The following FAM13A variants were observed in gnomAD, a reference collection of about 807,000 sequenced individuals.
FAM13A encodes protein FAM13A.
Under a neutral mutation model 129.6 loss-of-function variants are expected in FAM13A, and 76 were observed. The observed-to-expected ratio is 0.59, with a 90% CI of 0.49 to 0.71. FAM13A has a LOEUF of 0.71. Ranked by LOEUF, FAM13A falls within the 30% of genes least tolerant of loss-of-function variation. The probability of loss-of-function intolerance (pLI) is 0.00; values close to 1 mark genes in which losing one functional copy is unlikely to be tolerated. For synonymous variants in FAM13A, 443 were observed against 449.9 expected (o/e 0.98, Z 0.20); for missense variants, 1,108 against 1,249.3 (o/e 0.89, Z 1.70).
chr4:88,737,356 G>A, intron 21 of FAM13A, 116 bp downstream of exon 21: 1 of 829,786 alleles, frequency 1.2e-6, no homozygotes, highest in Non-Finnish European at 2.1e-6. Flanking sequence ...AGGGAATGCT[G>A]TAAGAAGCCA....
At chr4:89,045,754 T>C (rs1210488466) in intron 1 of FAM13A, among the ~76,000 whole-genome samples, 3 of 152,172 alleles carry the variant, frequency 2.0e-5, no homozygotes, top group Non-Finnish European at 2.9e-5. Context: ...CAGGGCGTGG[T>C]GGCTCATGCC....
chr4:88,833,070 T>C (rs1734179878), intron 7 of FAM13A, among the ~76,000 whole-genome samples: 1 of 152,214 alleles, frequency 6.6e-6, no homozygotes, highest in Non-Finnish European at 1.5e-5. Flanking sequence ...CAAGATCATG[T>C]CGTTTTTAGG....
chr4:88,842,008 C>T (rs144513761), intron 7 of FAM13A, among the ~76,000 whole-genome samples: 34 of 152,218 alleles, frequency 2.2e-4, no homozygotes, highest in African/African-American at 7.2e-4. Flanking sequence ...CCCAAATGTA[C>T]GTCAACTAAT....
intron 4 of FAM13A, among the ~76,000 whole-genome samples, chr4:88,977,863 AT>A (rs1180915672): frequency 1.3e-5 from 2 of 152,340 alleles, no homozygotes; most frequent in East Asian, 3.9e-4. Flanking sequence ...ATATAAAGTT[AT>A]AAAACATCAT....
At position 88,762,323 on chromosome 4, in the gene FAM13A, T is replaced by C. The variant is rs1379772650; in HGVS notation, c.1579-3422A>G. Among the ~76,000 whole-genome samples the C allele has an allele frequency of 3.3e-5, 5 of 152,344 alleles. No homozygotes were observed. In the East Asian group the frequency reaches 7.7e-4, roughly 23 times the overall value. ...CTGTGTCAACTTACATGAGCTTCCA[T>C]ACTTCCTGGCTGATTTGTGGCACAG... On this transcript the variant is annotated intron_variant, in intron 13 of 23. Coordinates refer to ENST00000264344, the MANE Select transcript of FAM13A (RefSeq NM_014883.4).
intron 7 of FAM13A, among the ~76,000 whole-genome samples, chr4:88,841,442 C>T (rs1005295794): frequency 2.2e-4 from 31 of 141,948 alleles, no homozygotes; most frequent in Admixed American, 6.1e-4. Flanking sequence ...TGCAGTGAGC[C>T]GAGATCACGC....
intron 9 of FAM13A, among the ~76,000 whole-genome samples, chr4:88,788,757 T>A (rs3822076): frequency 0.54 from 81,607 of 151,934 alleles, 22,387 homozygotes; most frequent in East Asian, 0.69. Flanking sequence ...TCCTCAAACC[T>A]TGTTTTTCTT....
intron 3 of FAM13A, among the ~76,000 whole-genome samples, chr4:89,019,444 T>C (rs533229077): frequency 6.6e-4 from 101 of 152,254 alleles, no homozygotes; most frequent in African/African-American, 2.2e-3. Flanking sequence ...ATAATGACTA[T>C]GCCTATAATT....
At chr4:88,879,909 AC>A in intron 6 of FAM13A, among the ~76,000 whole-genome samples, 1 of 152,342 alleles carries the variant, frequency 6.6e-6, no homozygotes, top group African/African-American at 2.4e-5. Context: ...CTGAAGTATA[AC>A]CAAGACTATT....
At chr4:88,855,493 G>A (rs942236190) in intron 6 of FAM13A, 34 of 152,130 alleles carry the variant, frequency 2.2e-4, no homozygotes, top group African/African-American at 6.5e-4. Context: ...TTTTAAATAA[G>A]ATAGTAAAGT....
intron 3 of FAM13A, among the ~76,000 whole-genome samples, chr4:89,012,246 AC>A (rs1358374159): frequency 6.6e-6 from 1 of 152,176 alleles, no homozygotes; most frequent in Non-Finnish European, 1.5e-5. Context: ...CTACTGCCCT[AC>A]CAACATAAGG....
chr4:88,773,764 T>A (rs1721151084), intron 11 of FAM13A, among the ~76,000 whole-genome samples: 1 of 152,196 alleles, frequency 6.6e-6, no homozygotes, highest in Non-Finnish European at 1.5e-5. Flanking sequence ...TCCAGATTAA[T>A]ATATCTAACT....
intron 7 of FAM13A, among the ~76,000 whole-genome samples, chr4:88,828,719 C>A (rs1407505844): frequency 6.6e-6 from 1 of 152,086 alleles, no homozygotes; most frequent in East Asian, 1.9e-4. Flanking sequence ...AATATTCTAC[C>A]CACTTTTTAA....
At chr4:88,964,918 G>A (rs1206141185) in intron 4 of FAM13A, among the ~76,000 whole-genome samples, 2 of 152,006 alleles carry the variant, frequency 1.3e-5, no homozygotes, top group South Asian at 2.1e-4. Context: ...GTGAGATACC[G>A]CGCCCGGCCC....
intron 5 of FAM13A, among the ~76,000 whole-genome samples, chr4:88,928,081 T>G (rs963991580): frequency 1.3e-5 from 2 of 152,204 alleles, no homozygotes; most frequent in African/African-American, 4.8e-5. Context: ...TCTTAATTTC[T>G]TCATTGACCC....
intron 6 of FAM13A, among the ~76,000 whole-genome samples, chr4:88,893,642 G>GAATGAATGAATAAATA (rs1352073900): frequency 6.3e-5 from 8 of 126,188 alleles, no homozygotes; most frequent in African/African-American, 2.4e-4. Context: ...ATGAATGAAT[G>GAATGAATGAATAAATA]AATAAATAAA....
At chr4:89,038,410 TAGTGCAAGGAA>T (rs1769669934) in intron 1 of FAM13A, among the ~76,000 whole-genome samples, 1 of 151,742 alleles carries the variant, frequency 6.6e-6, no homozygotes, top group Admixed American at 6.6e-5. Flanking sequence ...CAAATAAAAG[TAGTGCAAGGAA>T]AGTGCAAGGT....
Position 88,787,798 on chromosome 4 carries a change from C to A in FAM13A, c.1226G>T (p.Arg409Leu), listed in dbSNP as rs370204602. 1.9e-6 allele frequency: 3 copies of A among 1,613,596 alleles called. No homozygotes were observed. Among genetic ancestry groups the A allele is most frequent in the Non-Finnish European group, 1.7e-6 (2 of 1,179,688 alleles). ...TTCATCCTGCTCCTTGGACTGGCGG[C>A]GGCGCTGTCTGGCAGATGTGGCAGA... ...ASSATSARQR[R>L]RQSKEQDEVR... Residue 409 changes from arginine to leucine, a missense_variant, in exon 10 of 24, where the codon CGC becomes CTC. Physicochemically the swap from Arg to Leu is moderately radical, Grantham distance 102. Coordinates refer to ENST00000264344, the MANE Select transcript of FAM13A (RefSeq NM_014883.4).
At chr4:88,758,348 G>C (rs540010479) in intron 14 of FAM13A, among the ~76,000 whole-genome samples, 2 of 152,144 alleles carry the variant, frequency 1.3e-5, no homozygotes, top group Non-Finnish European at 2.9e-5. Context: ...GAGATTTCAT[G>C]AAAGAGGCAG....
Sources: allele counts gnomAD v4.1 joint callset (sites outside exome capture counted in the v4.1 genomes callset), GRCh38; gene constraint gnomAD v4.1.1; transcripts MANE v1.5; gene names NCBI Gene and HGNC (gene_info 2026-07-23, HGNC 2026-07-21).